The following PIWIL4 variants were observed in gnomAD, a reference collection of about 807,000 sequenced individuals.
PIWIL4 encodes the protein piwi like RNA-mediated gene silencing 4.
A neutral mutation model predicts 100.9 loss-of-function variants in PIWIL4; 50 were observed. The observed-to-expected ratio is 0.50, with a 90% CI of 0.39 to 0.63. The LOEUF (loss-of-function observed/expected upper bound fraction) is 0.63. PIWIL4 is among the 20% of genes least tolerant of loss of function. PIWIL4 has a pLI of 0.00. For synonymous variants in PIWIL4, 342 were observed against 367.5 expected (o/e 0.93, Z 0.79); for missense variants, 887 against 1,043.3 (o/e 0.85, Z 2.06).
intron 15 of PIWIL4, among the ~76,000 whole-genome samples, chr11:94,611,810 C>T (rs773818244): frequency 1.5e-4 from 23 of 152,132 alleles, no homozygotes; most frequent in South Asian, 2.1e-4. Context: ...CTGAGGCCCT[C>T]GCCAGAAGCA....
intron 1 of PIWIL4, 114 bp from the exon 2 acceptor site, chr11:94,568,616 A>G (rs1235510170): frequency 4.0e-6 from 3 of 749,040 alleles, no homozygotes; most frequent in Admixed American, 4.5e-5. Flanking sequence ...ACCTGTTAAC[A>G]TTTTCTTTGC....
chr11:94,594,508 T>C (rs1375595848), intron 9 of PIWIL4, among the ~76,000 whole-genome samples: 1 of 151,362 alleles, frequency 6.6e-6, no homozygotes, highest in Non-Finnish European at 1.5e-5. Flanking sequence ...AATGAGGATA[T>C]AATCCTTGAA....
intron 2 of PIWIL4, among the ~76,000 whole-genome samples, chr11:94,571,626 T>C (rs1196223733): frequency 6.6e-6 from 1 of 152,246 alleles, no homozygotes; most frequent in Non-Finnish European, 1.5e-5. Context: ...CATCCTTTTT[T>C]ATGGCAGCAT....
chr11:94,572,865 TA>T (rs1323047534), intron 2 of PIWIL4, among the ~76,000 whole-genome samples: 1 of 152,246 alleles, frequency 6.6e-6, no homozygotes, highest in Non-Finnish European at 1.5e-5. Context: ...ATTGAATCTA[TA>T]AATTACTTTG....
chr11:94,570,817 G>A (rs183016626), intron 2 of PIWIL4, among the ~76,000 whole-genome samples: 9 of 152,218 alleles, frequency 5.9e-5, no homozygotes, highest in African/African-American at 1.2e-4. Flanking sequence ...GCTTGAACCC[G>A]GGAAGTGGCG....
Position 94,593,613 on chromosome 11 carries a change from C to T in PIWIL4, c.1122C>T (p.His374=). The change falls in exon 9 of 20, where the codon CAC becomes CAT. Residue 374 remains histidine (H), a synonymous_variant. Transcript: ENST00000299001. Reference sequence around the variant, plus strand: ...ACAACAGTGAGGCTCAGCTCGCCCACCTGATACCTGAGCTCTGCTTTCTAA... The same window carrying T: ...ACAACAGTGAGGCTCAGCTCGCCCATCTGATACCTGAGCTCTGCTTTCTAA... The part of the protein sequence containing the change: ...RNDNSEAQLA[H]LIPELCFLTG... 6.2e-7 allele frequency: 1 copy of T among 1,613,982 alleles called. No homozygotes were observed. Among genetic ancestry groups the T allele is most frequent in the East Asian group, 2.2e-5 (1 of 44,878 alleles).
intron 10 of PIWIL4, among the ~76,000 whole-genome samples, chr11:94,596,861 C>T (rs1361076550): frequency 1.3e-5 from 2 of 152,000 alleles, no homozygotes; most frequent in African/African-American, 4.8e-5. Flanking sequence ...AGACATAATC[C>T]GAATAGGTGG....
chr11:94,618,621 A>G (rs1316772740), intron 17 of PIWIL4, among the ~76,000 whole-genome samples: 1 of 152,164 alleles, frequency 6.6e-6, no homozygotes, highest in African/African-American at 2.4e-5. Context: ...TTCTTGCTCC[A>G]CTGTTGTCTG....
chr11:94,567,538 T>A lies in PIWIL4; in HGVS notation c.20T>A (p.Val7Glu). 1.2e-6 allele frequency: 2 copies of A among 1,602,578 alleles called. No homozygotes were observed. Among genetic ancestry groups the A allele is most frequent in the Non-Finnish European group, 1.7e-6 (2 of 1,174,778 alleles). MSGRAR[V>E]KARGIARSPS... ...GGGAACATGAGTGGAAGAGCCCGAG[T>A]GAAGGCCAGAGGCATCGCCCGCAGC... The change falls in exon 1 of 20, where the codon GTG becomes GAG. Residue 7 changes from valine (V) to glutamate (E), a missense_variant. Val to Glu is a moderately radical substitution (Grantham distance 121). This residue lies in a region of PIWIL4 where 146 missense variants were observed against 113.4 expected (regional missense o/e 1.29). Coordinates refer to ENST00000299001, the MANE Select transcript of PIWIL4 (RefSeq NM_152431.3).
chr11:94,588,978 A>T (rs1948442422), intron 7 of PIWIL4, 143 bp from the exon 8 acceptor site: 1 of 609,012 alleles, frequency 1.6e-6, no homozygotes, highest in Non-Finnish European at 2.8e-6. Context: ...AGTATTTTTT[A>T]AAAAGTGAAT....
intron 2 of PIWIL4, among the ~76,000 whole-genome samples, chr11:94,571,266 T>A (rs1002484815): frequency 1.5e-4 from 23 of 152,194 alleles, no homozygotes; most frequent in African/African-American, 4.8e-4. Flanking sequence ...TAGGTTTTTT[T>A]ATTTAAAAAT....
chr11:94,587,155 G>A lies in PIWIL4; in HGVS notation c.822G>A (p.Leu274=). ...SYKVLRNETV[L]EFMTALCQRT... ...AAGTCCTCCGGAATGAGACGGTTCT[G>A]GAATTCATGACTGCTCTCTGTCAAA... Residue 274 remains leucine, a synonymous_variant, in exon 7 of 20, where the codon CTG becomes CTA. Transcript: ENST00000299001. 1 of 1,614,130 alleles carries A rather than the reference G, an allele frequency of 6.2e-7. No homozygotes were observed. The highest frequency in any genetic ancestry group is 1.3e-5 in the African/African-American group (1 of 75,044).
chr11:94,616,930 G>T (rs1293076881), intron 16 of PIWIL4, among the ~76,000 whole-genome samples: 1 of 152,160 alleles, frequency 6.6e-6, no homozygotes, highest in Non-Finnish European at 1.5e-5. Flanking sequence ...TAGGATAGGG[G>T]TGCTAACAGA....
At chr11:94,587,425 G>A (rs1244548315) in intron 7 of PIWIL4, among the ~76,000 whole-genome samples, 178 bp downstream of exon 7, 1 of 152,142 alleles carries the variant, frequency 6.6e-6, no homozygotes, top group Non-Finnish European at 1.5e-5. Context: ...TGGCATTCTG[G>A]ACTGTCCACA....
chr11:94,596,662 A>G (rs1948563065), intron 10 of PIWIL4, among the ~76,000 whole-genome samples: 1 of 152,166 alleles, frequency 6.6e-6, no homozygotes. Flanking sequence ...CGAATTGAGA[A>G]GGAATTCCTG....
chr11:94,588,437 A>G (rs1948435656), intron 7 of PIWIL4, among the ~76,000 whole-genome samples: 3 of 152,202 alleles, frequency 2.0e-5, no homozygotes, highest in Non-Finnish European at 2.9e-5. Flanking sequence ...TCGGTATGAG[A>G]AGGCTACCCT....
At chr11:94,604,764 AC>A (rs1948693517) in intron 13 of PIWIL4, among the ~76,000 whole-genome samples, 1 of 151,468 alleles carries the variant, frequency 6.6e-6, no homozygotes, top group Non-Finnish European at 1.5e-5. Context: ...TACCCTTCTT[AC>A]CTCCCTCGCT....
chr11:94,604,832 G>C (rs1020958378), intron 13 of PIWIL4, among the ~76,000 whole-genome samples: 1 of 152,108 alleles, frequency 6.6e-6, no homozygotes, highest in African/African-American at 2.4e-5. Context: ...AACTGAACTA[G>C]CTAAGTGCTA....
chr11:94,602,818 C>A (rs1038232287), intron 12 of PIWIL4, among the ~76,000 whole-genome samples: 2 of 152,294 alleles, frequency 1.3e-5, no homozygotes, highest in East Asian at 3.9e-4. Flanking sequence ...TTAGAACTCT[C>A]CTCTTATCAA....
Sources: allele counts gnomAD v4.1 joint callset (sites outside exome capture counted in the v4.1 genomes callset), GRCh38; gene constraint gnomAD v4.1.1; regional missense constraint gnomAD v4.1.1; transcripts MANE v1.5; gene names NCBI Gene and HGNC (gene_info 2026-07-23, HGNC 2026-07-21).